ARHGAP21: variants seen among roughly 807,000 people sequenced by gnomAD.
The protein encoded by ARHGAP21 is Rho GTPase activating protein 21.
A neutral mutation model predicts 164.6 loss-of-function variants in ARHGAP21; 38 were observed. That is an observed-to-expected ratio of 0.23 (90% CI 0.18 to 0.30). The LOEUF (loss-of-function observed/expected upper bound fraction) is 0.30. Among genes scored for constraint, ARHGAP21 ranks in the 10% least tolerant of loss-of-function variants. ARHGAP21 has a pLI of 1.00. For synonymous variants in ARHGAP21, 766 were observed against 857.9 expected (o/e 0.89, Z 1.87); for missense variants, 1,822 against 2,370.7 (o/e 0.77, Z 4.81).
chr10:24,593,773 T>G (rs1450096125), intron 21 of ARHGAP21, among the ~76,000 whole-genome samples: 1 of 152,168 alleles, frequency 6.6e-6, no homozygotes, highest in Non-Finnish European at 1.5e-5. Context: ...CAGAAAATAC[T>G]GAAATTAATT....
chr10:24,625,825 A>G (rs1835087893), intron 7 of ARHGAP21, among the ~76,000 whole-genome samples: 1 of 152,238 alleles, frequency 6.6e-6, no homozygotes, highest in Admixed American at 6.5e-5. Context: ...TCACATATCC[A>G]TAGAGCAGCA....
Position 24,586,123 on chromosome 10 carries a change from A to G in ARHGAP21, c.4183-17T>C. On this transcript the variant is annotated splice_polypyrimidine_tract_variant and intron_variant, in intron 25 of 25. Coordinates refer to ENST00000396432, the MANE Select transcript of ARHGAP21 (RefSeq NM_020824.4). ...CCAAGAACCCTGGGAAGCAAGAGAG[A>G]AGAAAGACTCTGAGCATAAGAATGC... 2.6e-6 allele frequency: 4 copies of G among 1,554,536 alleles called. No homozygotes were observed. The East Asian group carries it at 6.7e-5, about 26-fold the overall frequency.
At chr10:24,694,219 C>T (rs1266748108) in intron 2 of ARHGAP21, among the ~76,000 whole-genome samples, 1 of 152,206 alleles carries the variant, frequency 6.6e-6, no homozygotes, top group East Asian at 1.9e-4. Flanking sequence ...AATATTTTGA[C>T]TGGTCACTAT....
At chr10:24,638,545 AG>A (rs1170629463) in intron 4 of ARHGAP21, among the ~76,000 whole-genome samples, 2 of 152,228 alleles carry the variant, frequency 1.3e-5, no homozygotes, top group African/African-American at 4.8e-5. Context: ...CACCAGGAAA[AG>A]TGACTCCTTA....
chr10:24,681,640 C>CTT (rs11439346), intron 2 of ARHGAP21, among the ~76,000 whole-genome samples: 2 of 146,472 alleles, frequency 1.4e-5, no homozygotes, highest in South Asian at 2.2e-4. Context: ...AGCATTTTGT[C>CTT]TTTTTTTTTT....
rs571167977 is a variant in ARHGAP21 at position 24,638,994 on chromosome 10, T to C, written c.269-3891A>G. On this transcript the variant is annotated intron_variant, in intron 4 of 25. Transcript: ENST00000396432. Reference sequence around the variant, plus strand: ...TCTACAATGAAGTAAATATGATCAGTTGGGGGAAAAATAACTTGAGTAAAA... The same window carrying C: ...TCTACAATGAAGTAAATATGATCAGCTGGGGGAAAAATAACTTGAGTAAAA... Among the ~76,000 whole-genome samples the C allele has an allele frequency of 2.6e-5, 4 of 152,140 alleles. No individual in the cohort carries two copies. In the South Asian group the frequency reaches 8.3e-4, roughly 32 times the overall value.
chr10:24,620,645 G>T lies in ARHGAP21; in HGVS notation c.1250C>A (p.Ala417Glu). The T allele has an allele frequency of 6.2e-7, 1 of 1,614,224 alleles. No homozygotes were observed. Among genetic ancestry groups the T allele is most frequent in the Non-Finnish European group, 8.5e-7 (1 of 1,180,046 alleles). Reference sequence around the variant, plus strand: ...ATAATCTGTCGTGCTTTGAGATGCTGCTCTTAAACTATCTAATCTTTCTTG... The same window carrying T: ...ATAATCTGTCGTGCTTTGAGATGCTTCTCTTAAACTATCTAATCTTTCTTG... ...TIQERLDSLR[A>E]ASQSTTDYNQ... The change falls in exon 9 of 26, where the codon GCA becomes GAA. Residue 417 changes from alanine (A) to glutamate (E), a missense_variant. Transcript: ENST00000396432.
rs764601745 is a variant in ARHGAP21 at position 24,585,578 on chromosome 10, T to C, written c.4711A>G (p.Thr1571Ala). ...TTGGCCAAAAACTCGCTATGTTTCGTTTCTGGACTGGTTGATTTCTTCATG... is the reference window on the plus strand; with the variant it reads ...TTGGCCAAAAACTCGCTATGTTTCGCTTCTGGACTGGTTGATTTCTTCATG... ...FSMKKSTSPE[T>A]KHSEFLANVS... The change falls in exon 26 of 26, where the codon ACG (threonine) becomes GCG (alanine). Residue 1571 changes from threonine (T) to alanine (A), a missense_variant. Coordinates refer to ENST00000396432, the MANE Select transcript of ARHGAP21 (RefSeq NM_020824.4). 6.2e-7 allele frequency: 1 copy of C among 1,614,184 alleles called. No individual in the cohort carries two copies. The highest frequency in any genetic ancestry group is 1.1e-5 in the South Asian group (1 of 91,084).
chr10:24,718,563 A>C (rs1364644735), intron 2 of ARHGAP21, among the ~76,000 whole-genome samples: 1 of 152,174 alleles, frequency 6.6e-6, no homozygotes, highest in African/African-American at 2.4e-5. Context: ...GGAGGAGAAG[A>C]GAGAGCGCCT....
intron 3 of ARHGAP21, among the ~76,000 whole-genome samples, chr10:24,669,733 A>C (rs1350814909): frequency 6.6e-6 from 1 of 152,208 alleles, no homozygotes. Context: ...GTTACTGTCC[A>C]CTGAAGCCTG....
At chr10:24,663,799 G>T (rs1448684410) in intron 4 of ARHGAP21, among the ~76,000 whole-genome samples, 1 of 152,168 alleles carries the variant, frequency 6.6e-6, no homozygotes, top group Non-Finnish European at 1.5e-5. Context: ...AAAGTGCTGG[G>T]GTTACAGGCG....
intron 2 of ARHGAP21, among the ~76,000 whole-genome samples, chr10:24,691,973 T>C (rs923078358): frequency 6.6e-6 from 1 of 152,240 alleles, no homozygotes; most frequent in African/African-American, 2.4e-5. Context: ...CCATAAATTT[T>C]ACTAAAAATG....
intron 11 of ARHGAP21, among the ~76,000 whole-genome samples, chr10:24,606,553 G>C (rs1375109917): frequency 6.6e-6 from 1 of 152,108 alleles, no homozygotes; most frequent in Non-Finnish European, 1.5e-5. Context: ...GTGGGAATGT[G>C]GTTTGGTATA....
chr10:24,651,998 A>C (rs148830982), intron 4 of ARHGAP21, among the ~76,000 whole-genome samples: 38 of 152,386 alleles, frequency 2.5e-4, no homozygotes, highest in Admixed American at 1.1e-3. Flanking sequence ...TCAATGGAAT[A>C]GAACAAAGGT....
chr10:24,652,832 C>A (rs1052003192), intron 4 of ARHGAP21, among the ~76,000 whole-genome samples: 1 of 152,102 alleles, frequency 6.6e-6, no homozygotes. Flanking sequence ...TAAATGGGTA[C>A]GGTCCCCTCA....
At chr10:24,687,297 T>C (rs1842303909) in intron 2 of ARHGAP21, among the ~76,000 whole-genome samples, 1 of 152,196 alleles carries the variant, frequency 6.6e-6, no homozygotes, top group South Asian at 2.1e-4. Context: ...CCTGACAAGA[T>C]GCCCAAGTCT....
chr10:24,692,686 G>T (rs1842849460), intron 2 of ARHGAP21, among the ~76,000 whole-genome samples: 1 of 152,136 alleles, frequency 6.6e-6, no homozygotes, highest in Admixed American at 6.6e-5. Context: ...ACAAAAAGTA[G>T]CTGGGAGTGG....
Position 24,591,133 on chromosome 10 carries a change from TA to T in ARHGAP21, c.4150+91del. On this transcript the variant is annotated intron_variant, in intron 24 of 25. Transcript: ENST00000396432. The stretch of plus-strand genomic sequence containing the variant: ...AAGGAAGAGAAAAAGAAAAAAATCA[TA>T]AGTAACAATTCACTATGATTGATTT... 3 of 1,157,222 alleles carry T rather than the reference TA, an allele frequency of 2.6e-6. No individual in the cohort carries two copies. The South Asian group carries it at 4.6e-5, about 18-fold the overall frequency. The allele number at this position is 1,157,222 out of a possible 1,614,324, so 71.7% of individuals were successfully genotyped here.
intron 2 of ARHGAP21, among the ~76,000 whole-genome samples, chr10:24,675,246 A>G (rs896418945): frequency 6.6e-6 from 1 of 152,252 alleles, no homozygotes; most frequent in African/African-American, 2.4e-5. Context: ...AATAAAATGA[A>G]ATAAACTATT....
Sources: allele counts gnomAD v4.1 joint callset (sites outside exome capture counted in the v4.1 genomes callset), GRCh38; gene constraint gnomAD v4.1.1; transcripts MANE v1.5; gene names NCBI Gene and HGNC (gene_info 2026-07-23, HGNC 2026-07-21).